Variants in FUBP1 observed in about 807,000 individuals in gnomAD.
The protein encoded by FUBP1 is far upstream element-binding protein 1.
FUBP1 carries 16 observed loss-of-function variants against 94.9 expected under a neutral mutation model. The ratio of observed to expected loss-of-function variants is 0.17; its 90% CI spans 0.11 to 0.26. The LOEUF is 0.26. Ranked by LOEUF, FUBP1 falls within the 10% of genes least tolerant of loss-of-function variation. The pLI, the probability that FUBP1 is intolerant of heterozygous loss-of-function variation, is 1.00. For synonymous variants in FUBP1, 279 were observed against 254.9 expected (o/e 1.09, Z -0.90); for missense variants, 583 against 808.6 (o/e 0.72, Z 3.38).
In FUBP1 at chr1:77,979,028, C is replaced by T. The variant is rs761667691; in HGVS notation, c.-24G>A. On this transcript the variant is annotated 5_prime_UTR_variant, in exon 1 of 20. Transcript: ENST00000370768. ...ATGGTTGCACTATAAGAGCCGCTGC[C>T]GCCTGTTCAGAGACTTCCTCTCAGC... is the stretch of plus-strand genomic sequence containing the variant. 1 of 1,590,640 alleles carries T rather than the reference C, an allele frequency of 6.3e-7. No individual in the cohort carries two copies. The highest frequency in any genetic ancestry group is 8.6e-7 in the Non-Finnish European group (1 of 1,164,214).
At chr1:77,963,030 G>C in intron 13 of FUBP1, 100 bp from the exon 14 acceptor site, 1 of 705,280 alleles carries the variant, frequency 1.4e-6, no homozygotes. Flanking sequence ...TAAAAATATG[G>C]TTTGGTCAGT....
intron 10 of FUBP1, 95 bp from the exon 11 acceptor site, chr1:77,964,451 G>A: frequency 1.3e-6 from 1 of 764,190 alleles, no homozygotes; most frequent in Non-Finnish European, 2.1e-6. Context: ...CTGAAAATCT[G>A]CCTCAAATCA....
chr1:77,978,647 A>G (rs1659218996), intron 1 of FUBP1, among the ~76,000 whole-genome samples: 1 of 152,186 alleles, frequency 6.6e-6, no homozygotes, highest in East Asian at 1.9e-4. Flanking sequence ...CGGGAGAAAG[A>G]CTTCAGGCCT....
At chr1:77,964,820 C>T in intron 9 of FUBP1, 50 bp downstream of exon 9, 1 of 1,475,880 alleles carries the variant, frequency 6.8e-7, no homozygotes, top group Non-Finnish European at 9.5e-7. Context: ...ATATTTTGCC[C>T]AACCCCATTC....
At chr1:77,978,202 C>A (rs569366248) in intron 1 of FUBP1, among the ~76,000 whole-genome samples, 2 of 152,340 alleles carry the variant, frequency 1.3e-5, no homozygotes, top group Admixed American at 6.5e-5. Flanking sequence ...GCCTTCAGGG[C>A]AAATGCACGC....
chr1:77,968,149 T>A lies in FUBP1; in HGVS notation c.250+16A>T. 1 of 1,473,146 alleles carries A rather than the reference T, an allele frequency of 6.8e-7. No individual in the cohort carries two copies. The highest frequency in any genetic ancestry group is 9.1e-7 in the Non-Finnish European group (1 of 1,092,960). The allele number at this position is 1,473,146 out of a possible 1,614,324, so 91.3% of individuals were successfully genotyped here. A position where few individuals can be genotyped will look rare whatever the true frequency, so the allele number is the denominator to read the frequency against. On this transcript the variant is annotated intron_variant, in intron 3 of 19. Coordinates refer to ENST00000370768, the MANE Select transcript of FUBP1 (RefSeq NM_003902.5). Reference sequence around the variant, plus strand: ...TGTTACTTTAGCTTTTGACCCAGTTTAAAAGGAATACTTACAGTCATTTTG... The same window carrying A: ...TGTTACTTTAGCTTTTGACCCAGTTAAAAAGGAATACTTACAGTCATTTTG...
At chr1:77,960,308 C>T (rs776441178) in intron 15 of FUBP1, 36 bp downstream of exon 15, 1 of 1,612,246 alleles carries the variant, frequency 6.2e-7, no homozygotes, top group South Asian at 1.1e-5. Flanking sequence ...AAACTAGAAT[C>T]TTTGGGGAAA....
intron 16 of FUBP1, 44 bp from the exon 17 acceptor site, chr1:77,956,744 TTCTC>T: frequency 1.9e-6 from 3 of 1,544,762 alleles, no homozygotes; most frequent in East Asian, 2.3e-5. Context: ...AAGTCTGTAA[TTCTC>T]TCTCACACAC....
chr1:77,964,118 G>C lies in FUBP1; in HGVS notation c.985C>G (p.Pro329Ala), dbSNP rs963397668. 2 of 1,609,782 alleles carry C rather than the reference G, an allele frequency of 1.2e-6. No individual in the cohort carries two copies. The highest frequency in any genetic ancestry group is 1.7e-6 in the Non-Finnish European group (2 of 1,176,058). Residue 329 changes from proline (P) to alanine (A), a missense_variant, in exon 12 of 20, where the codon CCA becomes GCA. Pro to Ala is a conservative substitution (Grantham distance 27). Coordinates refer to ENST00000370768, the MANE Select transcript of FUBP1 (RefSeq NM_003902.5). ...PERIAQITGP[P>A]DRCQHAAEII... ...TCTGCAGCATGTTGACATCGGTCTG[G>C]AGGTCCTGTTATTTGTGCTATCCTT...
chr1:77,951,549 T>C (rs1653468201), intron 18 of FUBP1, among the ~76,000 whole-genome samples: 1 of 152,204 alleles, frequency 6.6e-6, no homozygotes, highest in African/African-American at 2.4e-5. Context: ...CTTTAGTTAC[T>C]GGATTTTGTT....
intron 15 of FUBP1, 34 bp from the exon 16 acceptor site, chr1:77,960,297 A>G: frequency 6.2e-7 from 1 of 1,612,666 alleles, no homozygotes; most frequent in South Asian, 1.1e-5. Context: ...AAACAGTCCC[A>G]AAACTAGAAT....
intron 18 of FUBP1, among the ~76,000 whole-genome samples, chr1:77,950,843 G>T (rs1262267933): frequency 6.6e-6 from 1 of 151,994 alleles, no homozygotes; most frequent in Non-Finnish European, 1.5e-5. Flanking sequence ...TTGTAAAACA[G>T]GTCACAGACT....
At chr1:77,966,616 G>T in intron 7 of FUBP1, 78 bp downstream of exon 7, 1 of 787,794 alleles carries the variant, frequency 1.3e-6, no homozygotes, top group Non-Finnish European at 2.2e-6. Flanking sequence ...AAATAAAGCA[G>T]TAACAAAGAG....
At chr1:77,979,274 C>G (rs542131045), upstream of FUBP1, 20 of 439,982 alleles carry the variant, frequency 4.5e-5, no homozygotes, top group East Asian at 6.8e-4. Context: ...TTTGGCACCT[C>G]CTCTCCGCGC....
intron 2 of FUBP1, among the ~76,000 whole-genome samples, chr1:77,968,642 CAA>C (rs796481917): frequency 1.7e-5 from 2 of 118,808 alleles, no homozygotes. Context: ...AAGCTATGCC[CAA>C]AAAAAAAAAA....
intron 1 of FUBP1, among the ~76,000 whole-genome samples, chr1:77,975,561 G>A (rs369565609): frequency 6.6e-6 from 1 of 152,186 alleles, no homozygotes; most frequent in African/African-American, 2.4e-5. Flanking sequence ...AGAGGGGAAG[G>A]GATGAGGGTT....
At chr1:77,976,477 C>T (rs1658612943) in intron 1 of FUBP1, among the ~76,000 whole-genome samples, 1 of 151,988 alleles carries the variant, frequency 6.6e-6, no homozygotes, top group African/African-American at 2.4e-5. Flanking sequence ...GAAATTATGG[C>T]TTAGCCTAAT....
chr1:77,948,402 CAGG>C lies in FUBP1; in HGVS notation c.*361_*363del, dbSNP rs1424670442. The C allele has an allele frequency of 1.9e-6, 2 of 1,079,650 alleles. No homozygotes were observed. The highest frequency in any genetic ancestry group is 4.4e-5 in the South Asian group (1 of 22,492). The allele number at this position is 1,079,650 out of a possible 1,614,324, so 66.9% of individuals were successfully genotyped here. A position where few individuals can be genotyped will look rare whatever the true frequency, so the allele number is the denominator to read the frequency against. ...TACCCACATATCCAACTTACCGACA[CAGG>C]AGGTTTCATATCATTTATTGTAAAG... On this transcript the variant is annotated 3_prime_UTR_variant, in exon 20 of 20. Transcript: ENST00000370768.
intron 12 of FUBP1, 119 bp downstream of exon 12, chr1:77,963,943 C>G (rs1656006921): frequency 4.1e-6 from 3 of 735,654 alleles, no homozygotes; most frequent in Non-Finnish European, 7.0e-6. Context: ...GCAATTTAAA[C>G]TTTCTCCATT....
Sources: gnomAD v4.1 joint callset for allele counts (sites outside exome capture counted in the v4.1 genomes callset) on GRCh38, gnomAD v4.1.1 for gene constraint, MANE v1.5 for transcripts, NCBI Gene and HGNC (gene_info 2026-07-23, HGNC 2026-07-21) for gene names.